CHST11: variants seen among roughly 807,000 people sequenced by gnomAD.
The protein encoded by CHST11 is carbohydrate sulfotransferase 11.
Under a neutral mutation model 30.4 loss-of-function variants are expected in CHST11, and 9 were observed. The ratio of observed to expected loss-of-function variants is 0.30; its 90% confidence interval spans 0.18 to 0.52. The LOEUF is 0.52. CHST11 is among the 20% of genes least tolerant of loss of function. The pLI is 0.97. For synonymous variants in CHST11, 152 were observed against 187.8 expected, an observed-to-expected ratio of 0.81 and a Z score of 1.56; for missense variants, 348 against 460.6, an observed-to-expected ratio of 0.76 and a Z score of 2.24.
At chr12:104,709,905 C>T (rs1377079660) in intron 2 of CHST11, among the ~76,000 whole-genome samples, 1 of 152,142 alleles carries the variant, frequency 6.6e-6, no homozygotes, top group East Asian at 1.9e-4. Flanking sequence ...AGCTGTTATT[C>T]AAAACTTTCA....
intron 1 of CHST11, among the ~76,000 whole-genome samples, chr12:104,470,620 A>G (rs766985008): frequency 2.6e-5 from 4 of 152,212 alleles, no homozygotes; most frequent in Admixed American, 6.5e-5. Flanking sequence ...ATGACCACTT[A>G]CCAAATACTT....
chr12:104,654,274 A>C (rs1047278961), intron 2 of CHST11, among the ~76,000 whole-genome samples: 1 of 152,220 alleles, frequency 6.6e-6, no homozygotes, highest in East Asian at 1.9e-4. Context: ...AGCTGGTCCC[A>C]GTACTTGGTA....
chr12:104,592,255 T>C (rs947262929), intron 1 of CHST11, among the ~76,000 whole-genome samples: 1 of 152,072 alleles, frequency 6.6e-6, no homozygotes, highest in African/African-American at 2.4e-5. Flanking sequence ...GAGGTTTGTG[T>C]CTTAATCTGT....
chr12:104,702,881 C>T (rs770300523), intron 2 of CHST11, among the ~76,000 whole-genome samples: 6 of 152,190 alleles, frequency 3.9e-5, no homozygotes, highest in Non-Finnish European at 8.8e-5. Flanking sequence ...AGATCTAACT[C>T]GAGCCTGGCG....
chr12:104,527,627 TTATTG>T (rs2038140167), intron 1 of CHST11, among the ~76,000 whole-genome samples: 1 of 152,194 alleles, frequency 6.6e-6, no homozygotes, highest in Non-Finnish European at 1.5e-5. Flanking sequence ...TAATCAGTGT[TTATTG>T]AATTAGTTAA....
At chr12:104,696,144 A>G (rs1255872985) in intron 2 of CHST11, among the ~76,000 whole-genome samples, 3 of 152,030 alleles carry the variant, frequency 2.0e-5, no homozygotes, top group African/African-American at 7.2e-5. Context: ...AGAGCACAGA[A>G]ATGGTTTCCA....
At chr12:104,657,505 T>C (rs1183613174) in intron 2 of CHST11, among the ~76,000 whole-genome samples, 1 of 151,894 alleles carries the variant, frequency 6.6e-6, no homozygotes, top group Admixed American at 6.5e-5. Flanking sequence ...AGCACTTCTT[T>C]CTTCCCTGGC....
chr12:104,542,948 C>T (rs927666513), intron 1 of CHST11, among the ~76,000 whole-genome samples: 1 of 152,170 alleles, frequency 6.6e-6, no homozygotes, highest in African/African-American at 2.4e-5. Context: ...TGACAGGGGA[C>T]AGTGGCAACC....
intron 2 of CHST11, among the ~76,000 whole-genome samples, chr12:104,671,309 T>C (rs545926876): frequency 6.6e-6 from 1 of 152,322 alleles, no homozygotes; most frequent in East Asian, 1.9e-4. Flanking sequence ...CAGGGCTGCT[T>C]GGTTGAAATC....
intron 2 of CHST11, among the ~76,000 whole-genome samples, chr12:104,693,225 G>T (rs1320674160): frequency 6.6e-6 from 1 of 152,192 alleles, no homozygotes; most frequent in Non-Finnish European, 1.5e-5. Flanking sequence ...TCCAAGTACA[G>T]TTACATTCTG....
intron 2 of CHST11, among the ~76,000 whole-genome samples, chr12:104,709,644 G>T (rs774805405): frequency 7.2e-5 from 11 of 152,130 alleles, no homozygotes; most frequent in African/African-American, 1.2e-4. Context: ...CAGCCCATGC[G>T]GTTCTTTCAT....
intron 2 of CHST11, among the ~76,000 whole-genome samples, chr12:104,701,782 C>T (rs755055331): frequency 8.5e-5 from 13 of 152,120 alleles, no homozygotes; most frequent in Non-Finnish European, 5.9e-5. Context: ...TGCCCCAGGC[C>T]GGTCTGTGTG....
chr12:104,481,975 T>G (rs1012334305), intron 1 of CHST11, among the ~76,000 whole-genome samples: 6 of 151,612 alleles, frequency 4.0e-5, no homozygotes, highest in African/African-American at 1.5e-4. Context: ...GTAGCTGGGA[T>G]TACAGGAACC....
At chr12:104,741,632 T>G (rs1220125696) in intron 2 of CHST11, among the ~76,000 whole-genome samples, 1 of 152,212 alleles carries the variant, frequency 6.6e-6, no homozygotes, top group Non-Finnish European at 1.5e-5. Context: ...GCTGCCAATC[T>G]AAGTTGCCGC....
At chr12:104,475,571 T>C (rs1049938573) in intron 1 of CHST11, among the ~76,000 whole-genome samples, 31 of 148,064 alleles carry the variant, frequency 2.1e-4, no homozygotes, top group African/African-American at 7.4e-4. Flanking sequence ...GGCATAAAAT[T>C]TATCAAGGGG....
At chr12:104,521,052 A>G (rs1353594205) in intron 1 of CHST11, among the ~76,000 whole-genome samples, 1 of 152,230 alleles carries the variant, frequency 6.6e-6, no homozygotes, top group African/African-American at 2.4e-5. Flanking sequence ...AATAGTAATC[A>G]TAATAAGGAT....
chr12:104,603,817 A>T (rs2038978604), intron 2 of CHST11, among the ~76,000 whole-genome samples: 1 of 152,090 alleles, frequency 6.6e-6, no homozygotes, highest in South Asian at 2.1e-4. Context: ...CCTCTCTGAG[A>T]TTTCTTTCCT....
chr12:104,688,301 A>T (rs1205081104), intron 2 of CHST11, among the ~76,000 whole-genome samples: 1 of 152,008 alleles, frequency 6.6e-6, no homozygotes, highest in Non-Finnish European at 1.5e-5. Context: ...CTTTCCGTCT[A>T]GATTGACAAG....
intron 2 of CHST11, among the ~76,000 whole-genome samples, chr12:104,708,909 G>T (rs1348194728): frequency 6.6e-6 from 1 of 152,198 alleles, no homozygotes; most frequent in Non-Finnish European, 1.5e-5. Context: ...CACCTTAGTA[G>T]CTTCATAGAA....
Sources: gnomAD v4.1 joint callset for allele counts (sites outside exome capture counted in the v4.1 genomes callset) on GRCh38, gnomAD v4.1.1 for gene constraint, MANE v1.5 for transcripts, NCBI Gene and HGNC (gene_info 2026-07-23, HGNC 2026-07-21) for gene names.